GAB2: variants seen among roughly 807,000 people sequenced by gnomAD.
GAB2 encodes GRB2-associated-binding protein 2.
In GAB2, 26 loss-of-function variants were observed where a neutral mutation model predicts 65.5. That is an observed-to-expected ratio of 0.40 (90% confidence interval 0.29 to 0.55). The LOEUF (loss-of-function observed/expected upper bound fraction) is 0.55, where lower values mean the gene tolerates loss of function less well. GAB2 is among the 20% of genes least tolerant of loss of function. The pLI, the probability that GAB2 is intolerant of heterozygous loss-of-function variation, is 0.53. For missense variants in GAB2, 884 were observed against 875.8 expected (o/e 1.01, Z -0.12); for synonymous variants, 321 against 329.6 (o/e 0.97, Z 0.28).
intron 1 of GAB2, among the ~76,000 whole-genome samples, chr11:78,404,078 C>T (rs2135085108): frequency 6.6e-6 from 1 of 152,196 alleles, no homozygotes; most frequent in South Asian, 2.1e-4. Flanking sequence ...ATAGAACTAC[C>T]ATATGATCTA....
At chr11:78,280,514 C>T in intron 2 of GAB2, 87 bp downstream of exon 2, 1 of 1,103,472 alleles carries the variant, frequency 9.1e-7, no homozygotes, top group South Asian at 1.5e-5. Flanking sequence ...AACAGGAAAC[C>T]TTAGCTAGAG....
At chr11:78,223,222 C>T (rs1186173796) in intron 6 of GAB2, among the ~76,000 whole-genome samples, 190 bp downstream of exon 6, 1 of 152,188 alleles carries the variant, frequency 6.6e-6, no homozygotes, top group Non-Finnish European at 1.5e-5. Context: ...CCTAGATGCT[C>T]TCCTTTGCAG....
Position 78,410,054 on chromosome 11 carries a change from T to TA in GAB2, c.75+7591dup, listed in dbSNP as rs574921200. Among the ~76,000 whole-genome samples, 393 of 151,606 alleles carry TA rather than the reference T, an allele frequency of 2.6e-3. 2 individuals carry two copies. Among genetic ancestry groups the TA allele is most frequent in the African/African-American group, 8.8e-3 (366 of 41,358 alleles). On this transcript the variant is annotated intron_variant, in intron 1 of 9. Transcript: ENST00000361507. ...TCAAAGAGGAAAGTCTCAAGGAAAG[T>TA]AAAAAAAATATATATATACTGAGCA...
At position 78,250,178 on chromosome 11, in the gene GAB2, C is replaced by G; in HGVS notation, c.599G>C (p.Ser200Thr). Reference protein sequence around the residue: ...QEYLYLHQCISRRAENARSAS... With the variant: ...QEYLYLHQCITRRAENARSAS... ...CTACCTTGCATTTTCTGCTCTTCGG[C>G]TTATGCACTGGTGCAAGTAGAGATA... Residue 200 changes from serine to threonine, a missense_variant, in exon 3 of 10, where the codon AGC becomes ACC. Coordinates refer to ENST00000361507, the MANE Select transcript of GAB2 (RefSeq NM_080491.3). The G allele has an allele frequency of 6.2e-7, 1 of 1,613,124 alleles. No homozygotes were observed.
chr11:78,348,660 T>G (rs1856227991), intron 1 of GAB2, among the ~76,000 whole-genome samples: 1 of 152,226 alleles, frequency 6.6e-6, no homozygotes, highest in Non-Finnish European at 1.5e-5. Flanking sequence ...CAATACAGTT[T>G]GGAAGTTTCT....
intron 1 of GAB2, among the ~76,000 whole-genome samples, chr11:78,368,175 T>C (rs1453927851): frequency 6.6e-6 from 1 of 152,192 alleles, no homozygotes; most frequent in African/African-American, 2.4e-5. Context: ...GCCACATCCA[T>C]GAGTTGCCAC....
At chr11:78,275,334 G>A (rs1190442227) in intron 2 of GAB2, among the ~76,000 whole-genome samples, 1 of 151,984 alleles carries the variant, frequency 6.6e-6, no homozygotes, top group African/African-American at 2.4e-5. Context: ...TATGAAAAAT[G>A]GAAATAAAGG....
At chr11:78,356,447 G>A (rs1856360647) in intron 1 of GAB2, among the ~76,000 whole-genome samples, 1 of 152,124 alleles carries the variant, frequency 6.6e-6, no homozygotes, top group African/African-American at 2.4e-5. Flanking sequence ...CAGACCTCAA[G>A]AATCAAAACA....
chr11:78,287,783 G>A (rs1349824982), intron 1 of GAB2, among the ~76,000 whole-genome samples: 2 of 150,870 alleles, frequency 1.3e-5, no homozygotes, highest in African/African-American at 4.9e-5. Context: ...CAAGTAGCTG[G>A]GATTACAGGT....
intron 2 of GAB2, among the ~76,000 whole-genome samples, chr11:78,255,171 C>A (rs868683421): frequency 3.9e-5 from 6 of 152,136 alleles, no homozygotes; most frequent in African/African-American, 1.2e-4. Context: ...AGGTAGAGAT[C>A]GAAATGATGT....
At chr11:78,309,971 T>TGTGTGTGTGTGTGTGCGC (rs1421836447) in intron 1 of GAB2, among the ~76,000 whole-genome samples, 42 of 120,182 alleles carry the variant, frequency 3.5e-4, no homozygotes, top group African/African-American at 1.5e-3. Flanking sequence ...TGTGTGTGTG[T>TGTGTGTGTGTGTGTGCGC]GCGCGCGCGC....
intron 1 of GAB2, among the ~76,000 whole-genome samples, chr11:78,319,958 C>T (rs373405534): frequency 1.3e-5 from 2 of 151,324 alleles, no homozygotes; most frequent in South Asian, 2.1e-4. Context: ...TCACTGCAAC[C>T]TCTGCCTCCT....
chr11:78,361,717 C>A (rs1192719908), intron 1 of GAB2, among the ~76,000 whole-genome samples: 1 of 152,058 alleles, frequency 6.6e-6, no homozygotes, highest in African/African-American at 2.4e-5. Flanking sequence ...ACATACAGAA[C>A]TTTGGTAATC....
intron 1 of GAB2, among the ~76,000 whole-genome samples, chr11:78,308,848 A>G (rs1306369507): frequency 6.6e-6 from 1 of 152,176 alleles, no homozygotes; most frequent in Non-Finnish European, 1.5e-5. Flanking sequence ...TGGTAATTAC[A>G]TGGGTGTTTC....
intron 1 of GAB2, among the ~76,000 whole-genome samples, chr11:78,399,133 G>A (rs896003134): frequency 6.6e-6 from 1 of 152,150 alleles, no homozygotes; most frequent in Non-Finnish European, 1.5e-5. Context: ...GGTTAGAGGG[G>A]TAATTAGTTG....
Position 78,226,939 on chromosome 11 carries a change from C to G in GAB2, c.733G>C (p.Val245Leu). The change falls in exon 4 of 10, where the codon GTC becomes CTC. Residue 245 changes from valine to leucine, a missense_variant. Val to Leu is a conservative substitution (Grantham distance 32, BLOSUM62 1). Coordinates refer to ENST00000361507, the MANE Select transcript of GAB2 (RefSeq NM_080491.3). The stretch of plus-strand genomic sequence containing the variant: ...TTGGGAAGGCTATAGAAGCCATGGA[C>G]TTGACCACTGATCCCGTTGACACAG... ...GHCVNGISGQ[V>L]HGFYSLPKPS... The G allele has an allele frequency of 6.2e-7, 1 of 1,613,888 alleles. No individual in the cohort carries two copies.
At chr11:78,268,632 T>G (rs1865928854) in intron 2 of GAB2, among the ~76,000 whole-genome samples, 1 of 151,688 alleles carries the variant, frequency 6.6e-6, no homozygotes, top group African/African-American at 2.4e-5. Flanking sequence ...GCTGTGGAGT[T>G]GGGACGAGAT....
At chr11:78,275,940 C>A (rs1371778416) in intron 2 of GAB2, among the ~76,000 whole-genome samples, 1 of 151,710 alleles carries the variant, frequency 6.6e-6, no homozygotes, top group Non-Finnish European at 1.5e-5. Flanking sequence ...AGGGTGAAAC[C>A]CTGTCTCTAT....
At chr11:78,298,931 G>T (rs1258504399) in intron 1 of GAB2, among the ~76,000 whole-genome samples, 1 of 152,128 alleles carries the variant, frequency 6.6e-6, no homozygotes, top group African/African-American at 2.4e-5. Flanking sequence ...CTTTAAATTA[G>T]CTCACTACTG....
Sources: gnomAD v4.1 joint callset for allele counts (sites outside exome capture counted in the v4.1 genomes callset) on GRCh38, gnomAD v4.1.1 for gene constraint, MANE v1.5 for transcripts, NCBI Gene and HGNC (gene_info 2026-07-23, HGNC 2026-07-21) for gene names.